The following CNTNAP3 variants were observed in gnomAD, a reference collection of about 807,000 sequenced individuals.
The protein encoded by CNTNAP3 is contactin-associated protein-like 3.
In CNTNAP3, 36 loss-of-function variants were observed where a neutral mutation model predicts 92.1. The observed-to-expected ratio is 0.39, with a 90% CI of 0.30 to 0.52. CNTNAP3 has a LOEUF of 0.52. CNTNAP3 is among the 20% of genes least tolerant of loss of function. The pLI, the probability that CNTNAP3 is intolerant of heterozygous loss-of-function variation, is 0.76. For synonymous variants in CNTNAP3, 232 were observed against 422.3 expected, an observed-to-expected ratio of 0.55 and a Z score of 5.53; for missense variants, 534 against 1,069.6, an observed-to-expected ratio of 0.50 and a Z score of 6.98.
chr9:39,133,366 C>T (rs868669225), intron 12 of CNTNAP3, among the ~76,000 whole-genome samples: 1 of 152,134 alleles, frequency 6.6e-6, no homozygotes, highest in South Asian at 2.1e-4. Flanking sequence ...GACGTCACGC[C>T]TAAAAGTGTA....
At chr9:39,214,490 C>T (rs1247695428) in intron 3 of CNTNAP3, among the ~76,000 whole-genome samples, 1 of 2,234 alleles carries the variant, frequency 4.5e-4, no homozygotes, top group African/African-American at 5.0e-4. Flanking sequence ...CCTTGAGAAA[C>T]GCATGTCTCT....
chr9:39,104,509 C>CACACAT (rs1826552040), intron 15 of CNTNAP3, among the ~76,000 whole-genome samples: 1 of 150,542 alleles, frequency 6.6e-6, no homozygotes, highest in South Asian at 2.1e-4. Context: ...CACACACACA[C>CACACAT]ACACACACAC....
intron 3 of CNTNAP3, among the ~76,000 whole-genome samples, chr9:39,194,781 CTTTTTTTTTTT>C (rs1170423558): frequency 0.012 from 15 of 1,276 alleles, 4 homozygotes; most frequent in South Asian, 0.2. Context: ...ATCATTTCAC[CTTTTTTTTTTT>C]TTTTTTTTTT....
Position 39,142,693 on chromosome 9 carries a change from T to C in CNTNAP3, c.1756+1547A>G, listed in dbSNP as rs1345646609. Among the ~76,000 whole-genome samples, 3 of 143,992 alleles carry C rather than the reference T, an allele frequency of 2.1e-5. No individual in the cohort carries two copies. The Admixed American group carries it at 2.1e-4, about 10-fold the overall frequency. The allele number at this position is 143,992 out of a possible 152,430, so 94.5% of individuals were successfully genotyped here. A position where few individuals can be genotyped will look rare whatever the true frequency, so the allele number is the denominator to read the frequency against. On this transcript the variant is annotated intron_variant, in intron 11 of 23. Coordinates refer to ENST00000297668, the MANE Select transcript of CNTNAP3 (RefSeq NM_033655.5). ...TCTCAAAAAAAAAAAAAAAAGAAAA[T>C]GTGTCACGGCTTTATAAACAGGGAC...
At chr9:39,114,949 T>C (rs565450376) in intron 14 of CNTNAP3, among the ~76,000 whole-genome samples, 8 of 151,100 alleles carry the variant, frequency 5.3e-5, no homozygotes, top group South Asian at 4.2e-4. Flanking sequence ...CCACTATACA[T>C]TTATACACAT....
rs373207621 is a variant in CNTNAP3 at position 39,164,708 on chromosome 9, G to A, written c.1477+1225C>T. Among the ~76,000 whole-genome samples, 6 of 142,110 alleles carry A rather than the reference G, an allele frequency of 4.2e-5. No individual in the cohort carries two copies. In the East Asian group the frequency reaches 8.4e-4, roughly 20 times the overall value. 93.2% of individuals were successfully genotyped at this position (142,110 alleles called of 152,430 possible). A position where few individuals can be genotyped will look rare whatever the true frequency, so the allele number is the denominator to read the frequency against. The stretch of plus-strand genomic sequence containing the variant: ...TATCATATATGTGGTGATATGGGAT[G>A]ATAACAGAATGTTGTAATGTACAGG... On this transcript the variant is annotated intron_variant, in intron 9 of 23. Coordinates refer to ENST00000297668, the MANE Select transcript of CNTNAP3 (RefSeq NM_033655.5).
At chr9:39,076,341 T>C (rs1392426844) in intron 23 of CNTNAP3, among the ~76,000 whole-genome samples, 1,030 of 149,468 alleles carry the variant, frequency 6.9e-3, no homozygotes, top group African/African-American at 0.025. Flanking sequence ...ATGAAAAAAA[T>C]CTCCTAAAAA....
intron 13 of CNTNAP3, among the ~76,000 whole-genome samples, chr9:39,125,086 T>C (rs1024013444): frequency 5.9e-5 from 9 of 151,952 alleles, no homozygotes; most frequent in African/African-American, 2.2e-4. Flanking sequence ...GTATTCACAA[T>C]AGCAAAGACT....
intron 12 of CNTNAP3, among the ~76,000 whole-genome samples, chr9:39,137,822 C>T (rs1228347298): frequency 6.6e-6 from 1 of 152,008 alleles, no homozygotes; most frequent in Non-Finnish European, 1.5e-5. Context: ...TTAATGCTTG[C>T]TCTGTCTCTT....
intron 13 of CNTNAP3, among the ~76,000 whole-genome samples, chr9:39,127,981 G>C (rs967838993): frequency 6.6e-6 from 1 of 152,066 alleles, no homozygotes; most frequent in Non-Finnish European, 1.5e-5. Context: ...TGGGATTATA[G>C]GTGTGCGCCA....
At chr9:39,175,060 G>A (rs185479241) in intron 7 of CNTNAP3, among the ~76,000 whole-genome samples, 16 of 123,668 alleles carry the variant, frequency 1.3e-4, no homozygotes, top group African/African-American at 4.9e-4. Flanking sequence ...AAAATTAGCC[G>A]GGTGTGGTGG....
At chr9:39,095,160 C>T (rs935357730) in intron 18 of CNTNAP3, among the ~76,000 whole-genome samples, 4 of 151,560 alleles carry the variant, frequency 2.6e-5, no homozygotes, top group African/African-American at 9.7e-5. Flanking sequence ...TAGAGAAATA[C>T]AACCAAATTT....
chr9:39,144,376 C>T, intron 10 of CNTNAP3, 30 bp from the exon 11 acceptor site: 1 of 1,496,534 alleles, frequency 6.7e-7, no homozygotes, highest in Admixed American at 2.6e-5. Context: ...ACTGCTGTTT[C>T]CCTTTTTCAA....
chr9:39,096,685 C>T (rs1826332933), intron 18 of CNTNAP3, among the ~76,000 whole-genome samples: 1 of 151,432 alleles, frequency 6.6e-6, no homozygotes, highest in African/African-American at 2.4e-5. Flanking sequence ...CAATAGTTTT[C>T]TTTCATCTCT....
At chr9:39,113,098 G>A (rs968559308) in intron 14 of CNTNAP3, among the ~76,000 whole-genome samples, 3 of 152,046 alleles carry the variant, frequency 2.0e-5, no homozygotes, top group Non-Finnish European at 2.9e-5. Context: ...TGCACTGTAG[G>A]ATGCTTAGCA....
intron 11 of CNTNAP3, among the ~76,000 whole-genome samples, chr9:39,142,340 T>C (rs1821596501): frequency 6.6e-6 from 1 of 152,088 alleles, no homozygotes; most frequent in African/African-American, 2.4e-5. Flanking sequence ...TATCAAGACA[T>C]TCAACCTCTG....
Position 39,099,749 on chromosome 9 carries a change from C to T in CNTNAP3, c.2995+162G>A, listed in dbSNP as rs1438608585. 3.5e-6 allele frequency: 3 copies of T among 847,276 alleles called. No individual in the cohort carries two copies. The African/African-American group carries it at 5.2e-5, about 15-fold the overall frequency. The allele number at this position is 847,276 out of a possible 1,614,324, so 52.5% of individuals were successfully genotyped here. On this transcript the variant is annotated intron_variant, in intron 18 of 23. Coordinates refer to ENST00000297668, the MANE Select transcript of CNTNAP3 (RefSeq NM_033655.5). ...ATAGCCTTAAGTTTTCAAAAACAGT[C>T]ATATCCCTTCTAAATTCAATAGAGG... is the stretch of plus-strand genomic sequence containing the variant.
At chr9:39,104,915 C>G (rs1390459588) in intron 15 of CNTNAP3, among the ~76,000 whole-genome samples, 4 of 152,242 alleles carry the variant, frequency 2.6e-5, no homozygotes, top group African/African-American at 7.2e-5. Flanking sequence ...TCCACTTTCT[C>G]CAACATGAAG....
chr9:39,082,241 G>A (rs1182760653), intron 21 of CNTNAP3, among the ~76,000 whole-genome samples: 2 of 151,872 alleles, frequency 1.3e-5, no homozygotes, highest in African/African-American at 2.4e-5. Flanking sequence ...GACTTTACAC[G>A]TTTTCATCAT....
Sources: gnomAD v4.1 joint callset for allele counts (sites outside exome capture counted in the v4.1 genomes callset) on GRCh38, gnomAD v4.1.1 for gene constraint, MANE v1.5 for transcripts, NCBI Gene and HGNC (gene_info 2026-07-23, HGNC 2026-07-21) for gene names.